The following PPP3CA variants were observed in gnomAD, a reference collection of about 807,000 sequenced individuals.
PPP3CA encodes protein phosphatase 3 catalytic subunit alpha, also known as CAM-PRP catalytic subunit.
A neutral mutation model predicts 66.5 loss-of-function variants in PPP3CA; 14 were observed. The ratio of observed to expected loss-of-function variants is 0.21; its 90% CI spans 0.14 to 0.33. The LOEUF is 0.33. PPP3CA is among the 10% of genes least tolerant of loss of function. PPP3CA has a pLI of 1.00. For missense variants in PPP3CA, 317 were observed against 639.5 expected (o/e 0.50, Z 5.44); for synonymous variants, 232 against 226.2 (o/e 1.03, Z -0.23).
chr4:101,299,111 T>TTG (rs1183716318), intron 1 of PPP3CA, among the ~76,000 whole-genome samples: 1,815 of 89,866 alleles, frequency 0.02, 60 homozygotes, highest in African/African-American at 0.064. Flanking sequence ...ATATCGTTTT[T>TTG]TTTTTTTTTT....
At chr4:101,075,954 G>A (rs1180532404) in intron 8 of PPP3CA, among the ~76,000 whole-genome samples, 1 of 152,130 alleles carries the variant, frequency 6.6e-6, no homozygotes, top group Non-Finnish European at 1.5e-5. Context: ...ACCTAGCATG[G>A]AGCTTGGTAT....
chr4:101,272,106 G>A (rs533395252), intron 1 of PPP3CA, among the ~76,000 whole-genome samples: 1 of 152,128 alleles, frequency 6.6e-6, no homozygotes, highest in South Asian at 2.1e-4. Flanking sequence ...ATCCTTAGCT[G>A]ATAATATGAT....
chr4:101,105,290 C>T (rs913241338), intron 3 of PPP3CA, among the ~76,000 whole-genome samples: 6 of 151,554 alleles, frequency 4.0e-5, no homozygotes, highest in East Asian at 1.9e-4. Context: ...CCTCAGCCTC[C>T]GGAGTAGCTG....
chr4:101,218,026 C>G (rs1159499745), intron 1 of PPP3CA, among the ~76,000 whole-genome samples: 1 of 152,070 alleles, frequency 6.6e-6, no homozygotes, highest in South Asian at 2.1e-4. Context: ...ATGAAATAGT[C>G]TTATTACTCA....
At chr4:101,233,072 A>C (rs1206656084) in intron 1 of PPP3CA, among the ~76,000 whole-genome samples, 1 of 151,832 alleles carries the variant, frequency 6.6e-6, no homozygotes, top group African/African-American at 2.4e-5. Context: ...AGGAAAAGCC[A>C]CCTAACTCAT....
chr4:101,237,454 T>G (rs1352491206), intron 1 of PPP3CA, among the ~76,000 whole-genome samples: 1 of 152,032 alleles, frequency 6.6e-6, no homozygotes, highest in Non-Finnish European at 1.5e-5. Flanking sequence ...CACGATCAAC[T>G]TATATTAGAG....
chr4:101,108,695 G>A (rs1721531878), intron 3 of PPP3CA, among the ~76,000 whole-genome samples: 1 of 152,170 alleles, frequency 6.6e-6, no homozygotes, highest in African/African-American at 2.4e-5. Context: ...GAACCCAGAA[G>A]GCAGAGGTTC....
At chr4:101,103,048 G>A (rs1730518690) in intron 3 of PPP3CA, among the ~76,000 whole-genome samples, 1 of 152,138 alleles carries the variant, frequency 6.6e-6, no homozygotes, top group Non-Finnish European at 1.5e-5. Context: ...GCTTTCTCCT[G>A]TTTAATTTTC....
chr4:101,221,244 C>G (rs913796886), intron 1 of PPP3CA, among the ~76,000 whole-genome samples: 1 of 151,588 alleles, frequency 6.6e-6, no homozygotes, highest in African/African-American at 2.4e-5. Context: ...CATAAAAAAG[C>G]AGCCACGCTA....
At position 101,104,606 on chromosome 4, in the gene PPP3CA, G is replaced by C. The variant is rs79195775; in HGVS notation, c.384+4348C>G. 8.1e-3 allele frequency among the ~76,000 whole-genome samples: 1,226 copies of C among 152,156 alleles called. 8 individuals are homozygous for C. Among genetic ancestry groups the C allele is most frequent in the Non-Finnish European group, 0.012 (816 of 67,998 alleles). On this transcript the variant is annotated intron_variant, in intron 3 of 13. Transcript: ENST00000394854. ...CAGTTACTGCACTCATAAAAGGAAC[G>C]TATTTACATGTTCCTTGCAAAACTG...
chr4:101,282,366 T>C (rs1220273185), intron 1 of PPP3CA, among the ~76,000 whole-genome samples: 1 of 152,190 alleles, frequency 6.6e-6, no homozygotes, highest in Non-Finnish European at 1.5e-5. Context: ...CAGACCTCAC[T>C]ACAATTCATG....
rs1177256596 is a variant in PPP3CA at position 101,347,430 on chromosome 4, C to G, written c.-634G>C. The G allele has an allele frequency of 2.2e-4, 37 of 167,562 alleles. No homozygotes were observed. Among genetic ancestry groups the G allele is most frequent in the Non-Finnish European group, 3.8e-5 (3 of 79,274 alleles). 10.4% of individuals were successfully genotyped at this position (167,562 alleles called of 1,614,324 possible). A position where few individuals can be genotyped will look rare whatever the true frequency, so the allele number is the denominator to read the frequency against. The stretch of plus-strand genomic sequence containing the variant: ...GCGGCCGCCGGAGACGTCCCGCCGC[C>G]GCGATCGCCCGCGCTCGCCTCTGCC... On this transcript the variant is annotated 5_prime_UTR_variant, in exon 1 of 14. Coordinates refer to ENST00000394854, the MANE Select transcript of PPP3CA (RefSeq NM_000944.5).
At chr4:101,328,981 T>C (rs561405510) in intron 1 of PPP3CA, among the ~76,000 whole-genome samples, 7 of 152,114 alleles carry the variant, frequency 4.6e-5, no homozygotes, top group African/African-American at 1.7e-4. Flanking sequence ...ATGAGGCTTA[T>C]TAATAACCCT....
At chr4:101,081,554 A>G (rs1729440227) in intron 7 of PPP3CA, among the ~76,000 whole-genome samples, 1 of 152,184 alleles carries the variant, frequency 6.6e-6, no homozygotes, top group Non-Finnish European at 1.5e-5. Context: ...CAATTTTAGG[A>G]GTATCAGTTT....
At chr4:101,033,275 G>GAGAC (rs1727077791) in intron 11 of PPP3CA, among the ~76,000 whole-genome samples, 1 of 126,834 alleles carries the variant, frequency 7.9e-6, no homozygotes, top group African/African-American at 3.0e-5. Context: ...CATACATAGA[G>GAGAC]ACACACACAC....
chr4:101,311,465 A>C (rs1728720304), intron 1 of PPP3CA, among the ~76,000 whole-genome samples: 1 of 152,138 alleles, frequency 6.6e-6, no homozygotes, highest in East Asian at 1.9e-4. Context: ...TCTATATTGT[A>C]AGGCAATACT....
At chr4:101,139,696 G>GTTTTTTTTTTTTTTTTTTTTTTTGT (rs372257350) in intron 2 of PPP3CA, among the ~76,000 whole-genome samples, 1 of 98,406 alleles carries the variant, frequency 1.0e-5, no homozygotes, top group African/African-American at 4.0e-5. Context: ...TTTTTTTTGT[G>GTTTTTTTTTTTTTTTTTTTTTTTGT]TTTTTTTTTT....
rs568631134 is a variant in PPP3CA at position 101,094,032 on chromosome 4, G to A, written c.643-117C>T. On this transcript the variant is annotated intron_variant, in intron 5 of 13. Coordinates refer to ENST00000394854, the MANE Select transcript of PPP3CA (RefSeq NM_000944.5). ...CCTCTTCTCCCCAGCTACAGCTCAG[G>A]GTGAAATGTCCTCTACCTCTCTCTC... 7.2e-5 allele frequency: 64 copies of A among 892,698 alleles called. No individual in the cohort carries two copies. In the African/African-American group the frequency reaches 1.1e-3, roughly 15 times the overall value. The allele number at this position is 892,698 out of a possible 1,614,324, so 55.3% of individuals were successfully genotyped here. A position where few individuals can be genotyped will look rare whatever the true frequency, so the allele number is the denominator to read the frequency against.
intron 1 of PPP3CA, among the ~76,000 whole-genome samples, chr4:101,260,791 C>A (rs1216204239): frequency 6.6e-6 from 1 of 152,058 alleles, no homozygotes; most frequent in African/African-American, 2.4e-5. Context: ...GGTAAATTAT[C>A]CACATAAAAG....
Sources: gnomAD v4.1 joint callset for allele counts (sites outside exome capture counted in the v4.1 genomes callset) on GRCh38, gnomAD v4.1.1 for gene constraint, MANE v1.5 for transcripts, NCBI Gene and HGNC (gene_info 2026-07-23, HGNC 2026-07-21) for gene names.